NELL1: variants seen among roughly 807,000 people sequenced by gnomAD.
NELL1 encodes the protein protein kinase C-binding protein NELL1.
Under a neutral mutation model 107.4 loss-of-function variants are expected in NELL1, and 76 were observed. The observed-to-expected ratio is 0.71, with a 90% CI of 0.59 to 0.86. The LOEUF (loss-of-function observed/expected upper bound fraction) is 0.86. Ranked by LOEUF, NELL1 falls within the 40% of genes least tolerant of loss-of-function variation. NELL1 has a pLI of 0.00. For missense variants in NELL1, 1,024 were observed against 1,005.5 expected (o/e 1.02, Z -0.25); for synonymous variants, 353 against 341.2 (o/e 1.03, Z -0.38).
At chr11:21,195,916 C>A (rs1296737931) in intron 13 of NELL1, among the ~76,000 whole-genome samples, 2 of 152,196 alleles carry the variant, frequency 1.3e-5, no homozygotes, top group African/African-American at 2.4e-5. Context: ...GCAAGTAATA[C>A]TATTTTTCAG....
chr11:21,273,437 T>C (rs960322616), intron 14 of NELL1, among the ~76,000 whole-genome samples: 12 of 152,174 alleles, frequency 7.9e-5, no homozygotes, highest in African/African-American at 2.9e-4. Context: ...TTGGTGTATC[T>C]GAAAGTGACA....
At chr11:20,879,236 C>T (rs2134098213) in intron 4 of NELL1, among the ~76,000 whole-genome samples, 1 of 152,266 alleles carries the variant, frequency 6.6e-6, no homozygotes, top group South Asian at 2.1e-4. Context: ...GTCATGGAAG[C>T]TACCGTGTCA....
intron 13 of NELL1, among the ~76,000 whole-genome samples, chr11:21,136,790 T>TA (rs2133765881): frequency 6.6e-6 from 1 of 152,292 alleles, no homozygotes; most frequent in African/African-American, 2.4e-5. Flanking sequence ...CACTTTTTTT[T>TA]AGAGTACAAG....
At chr11:20,723,350 T>C (rs1855435454) in intron 2 of NELL1, among the ~76,000 whole-genome samples, 2 of 152,092 alleles carry the variant, frequency 1.3e-5, no homozygotes, top group African/African-American at 2.4e-5. Context: ...CAACATACAG[T>C]AGGGGTGCAG....
chr11:21,459,660 C>G (rs1233832583), intron 15 of NELL1, among the ~76,000 whole-genome samples: 1 of 152,044 alleles, frequency 6.6e-6, no homozygotes. Flanking sequence ...ATGACTAAAT[C>G]ATTCCTATGA....
chr11:21,080,172 T>C (rs988435834), intron 12 of NELL1, among the ~76,000 whole-genome samples: 2 of 152,062 alleles, frequency 1.3e-5, no homozygotes, highest in African/African-American at 2.4e-5. Flanking sequence ...GTCTATGTCT[T>C]ATTTTTTCAT....
At chr11:21,458,571 GA>G (rs1391219293) in intron 15 of NELL1, among the ~76,000 whole-genome samples, 1 of 152,082 alleles carries the variant, frequency 6.6e-6, no homozygotes, top group African/African-American at 2.4e-5. Flanking sequence ...AATTATTGGA[GA>G]AAATGTTCTT....
At chr11:21,070,849 G>A (rs113075179) in intron 12 of NELL1, among the ~76,000 whole-genome samples, 130 of 152,234 alleles carry the variant, frequency 8.5e-4, no homozygotes, top group African/African-American at 2.9e-3. Flanking sequence ...AGTGACCTTA[G>A]CCAGGTCAAC....
intron 2 of NELL1, among the ~76,000 whole-genome samples, chr11:20,749,845 T>A (rs1856093264): frequency 6.6e-6 from 1 of 152,214 alleles, no homozygotes; most frequent in African/African-American, 2.4e-5. Context: ...TGTATTTGCT[T>A]TCATTTTTCT....
At chr11:20,861,838 C>T (rs1046300189) in intron 4 of NELL1, among the ~76,000 whole-genome samples, 2 of 152,178 alleles carry the variant, frequency 1.3e-5, no homozygotes, top group Admixed American at 6.5e-5. Context: ...AGATGTGCTA[C>T]CCTTGCCAAG....
chr11:20,771,745 G>A (rs1856645357), intron 2 of NELL1, among the ~76,000 whole-genome samples: 3 of 152,168 alleles, frequency 2.0e-5, no homozygotes, highest in Admixed American at 1.3e-4. Context: ...AGAAGAGTGT[G>A]TCTTTCTGCT....
At chr11:20,806,140 T>TTTTTTA (rs761796942) in intron 3 of NELL1, among the ~76,000 whole-genome samples, 5 of 150,752 alleles carry the variant, frequency 3.3e-5, no homozygotes, top group Admixed American at 6.6e-5. Flanking sequence ...TTTTTTTTTT[T>TTTTTTA]ATCAGATTGA....
intron 4 of NELL1, among the ~76,000 whole-genome samples, chr11:20,879,378 T>A (rs974270710): frequency 6.6e-6 from 1 of 152,184 alleles, no homozygotes; most frequent in African/African-American, 2.4e-5. Context: ...ATGTATAATG[T>A]AAGGGTAGTC....
At chr11:20,792,031 CT>C (rs930455987) in intron 3 of NELL1, among the ~76,000 whole-genome samples, 10 of 151,976 alleles carry the variant, frequency 6.6e-5, no homozygotes, top group African/African-American at 2.2e-4. Flanking sequence ...TTGTTGAGGA[CT>C]TTTGTATCTA....
At chr11:21,420,186 C>T (rs1540121) in intron 15 of NELL1, among the ~76,000 whole-genome samples, 8,293 of 152,048 alleles carry the variant, frequency 0.055, 336 homozygotes, top group African/African-American at 0.11. Context: ...TCAACTTTGT[C>T]GCATAACAAG....
At chr11:20,854,507 G>A (rs1469345814) in intron 4 of NELL1, among the ~76,000 whole-genome samples, 1 of 152,222 alleles carries the variant, frequency 6.6e-6, no homozygotes, top group Non-Finnish European at 1.5e-5. Flanking sequence ...TTATATGTGA[G>A]TTGGCAGTGC....
intron 15 of NELL1, among the ~76,000 whole-genome samples, chr11:21,415,968 A>G (rs1227564248): frequency 1.3e-5 from 2 of 152,074 alleles, no homozygotes; most frequent in Middle Eastern, 3.2e-3. Flanking sequence ...AAGCTTCTTG[A>G]TAAAACAACT....
intron 12 of NELL1, among the ~76,000 whole-genome samples, chr11:21,018,666 T>C (rs976390114): frequency 6.6e-6 from 1 of 152,088 alleles, no homozygotes; most frequent in Non-Finnish European, 1.5e-5. Context: ...TGGGTGCCCA[T>C]GTCAACGTGA....
At chr11:21,161,764 T>C (rs1856375687) in intron 13 of NELL1, among the ~76,000 whole-genome samples, 1 of 151,910 alleles carries the variant, frequency 6.6e-6, no homozygotes, top group African/African-American at 2.4e-5. Context: ...TATAGAATTA[T>C]TGAGATATTA....
Sources: allele counts gnomAD v4.1 joint callset (sites outside exome capture counted in the v4.1 genomes callset), GRCh38; gene constraint gnomAD v4.1.1; transcripts MANE v1.5; gene names NCBI Gene and HGNC (gene_info 2026-07-23, HGNC 2026-07-21).